EPB41L3: variants seen among roughly 807,000 people sequenced by gnomAD.
EPB41L3 encodes the protein erythrocyte membrane protein band 4.1 like 3.
Under a neutral mutation model 127.1 loss-of-function variants are expected in EPB41L3, and 57 were observed. That is an observed-to-expected ratio of 0.45 (90% CI 0.36 to 0.56). The LOEUF (loss-of-function observed/expected upper bound fraction) is 0.56. EPB41L3 is among the 20% of genes least tolerant of loss of function. The probability of loss-of-function intolerance (pLI) is 0.00; values close to 1 mark genes in which losing one functional copy is unlikely to be tolerated. For missense variants in EPB41L3, 1,273 were observed against 1,372.2 expected (o/e 0.93, Z 1.14); for synonymous variants, 572 against 549.5 (o/e 1.04, Z -0.57).
intron 3 of EPB41L3, among the ~76,000 whole-genome samples, chr18:5,475,675 T>C (rs537599413): frequency 5.5e-4 from 84 of 152,370 alleles, no homozygotes; most frequent in African/African-American, 1.9e-3. Context: ...TTCCATTTTG[T>C]ACTTGATCCC....
At chr18:5,506,409 A>T (rs111980803) in intron 1 of EPB41L3, among the ~76,000 whole-genome samples, 8 of 151,686 alleles carry the variant, frequency 5.3e-5, no homozygotes, top group African/African-American at 1.9e-4. Flanking sequence ...AGGCCTCTAC[A>T]TTTGCTATTC....
At chr18:5,592,951 CA>C (rs1462703292) in intron 3 of EPB41L3, among the ~76,000 whole-genome samples, 1 of 152,170 alleles carries the variant, frequency 6.6e-6, no homozygotes, top group Non-Finnish European at 1.5e-5. Context: ...AGCATCTTTC[CA>C]TCAGTCACAT....
intron 1 of EPB41L3, chr18:5,508,275 T>TCC (rs1223495385): frequency 6.6e-6 from 1 of 152,196 alleles, no homozygotes; most frequent in Non-Finnish European, 1.5e-5. Flanking sequence ...AGCTGTGTTT[T>TCC]CCCCTGGTGA....
At chr18:5,568,448 A>AAAT (rs71163238) in intron 3 of EPB41L3, among the ~76,000 whole-genome samples, 1 of 150,138 alleles carries the variant, frequency 6.7e-6, no homozygotes, top group African/African-American at 2.4e-5. Flanking sequence ...AAAAAAAAAA[A>AAAT]GTATGAGAGA....
chr18:5,629,743 G>C (rs7240736), upstream of EPB41L3, among the ~76,000 whole-genome samples: 10,585 of 152,152 alleles, frequency 0.07, 1,019 homozygotes, highest in East Asian at 0.49. Flanking sequence ...TGCCCTCCTC[G>C]CAAAGAACTG....
chr18:5,517,924 T>G (rs1719948), intron 1 of EPB41L3, among the ~76,000 whole-genome samples: 30,314 of 151,964 alleles, frequency 0.2, 3,195 homozygotes, highest in African/African-American at 0.25. Flanking sequence ...CCACAGGGCT[T>G]GGTCCTTGGA....
At chr18:5,498,539 A>T (rs1252557078) in intron 1 of EPB41L3, among the ~76,000 whole-genome samples, 1 of 147,320 alleles carries the variant, frequency 6.8e-6, no homozygotes, top group Admixed American at 6.8e-5. Flanking sequence ...GGTTGCAGTG[A>T]GCCGAGATAG....
At chr18:5,432,585 T>C (rs7237323) in intron 8 of EPB41L3, among the ~76,000 whole-genome samples, 86,192 of 152,116 alleles carry the variant, frequency 0.57, 28,310 homozygotes, top group Non-Finnish European at 0.73. Flanking sequence ...CTTCCTTGTA[T>C]TTCCACAAGA....
At chr18:5,462,155 A>G (rs956513361) in intron 3 of EPB41L3, among the ~76,000 whole-genome samples, 10 of 152,236 alleles carry the variant, frequency 6.6e-5, no homozygotes, top group African/African-American at 2.4e-4. Context: ...TACCTTAAAA[A>G]TCACAATTAT....
intron 3 of EPB41L3, among the ~76,000 whole-genome samples, chr18:5,566,783 T>TATTCTATTCTATTCTATTCC (rs2094210601): frequency 1.9e-4 from 15 of 77,514 alleles, no homozygotes; most frequent in Admixed American, 1.3e-4. Context: ...TATTCTATTC[T>TATTCTATTCTATTCTATTCC]ATTCTATTCC....
intron 18 of EPB41L3, among the ~76,000 whole-genome samples, chr18:5,396,833 G>A (rs142766879): frequency 7.4e-4 from 112 of 152,198 alleles, no homozygotes; most frequent in Middle Eastern, 3.4e-3. Flanking sequence ...ATTTCCTGGT[G>A]CCATATTATT....
At chr18:5,503,956 A>C (rs2091952488) in intron 1 of EPB41L3, among the ~76,000 whole-genome samples, 1 of 152,226 alleles carries the variant, frequency 6.6e-6, no homozygotes, top group Non-Finnish European at 1.5e-5. Flanking sequence ...TTAGGTAATC[A>C]TATGTGGTAA....
chr18:5,441,601 G>A (rs2080769667), intron 5 of EPB41L3, among the ~76,000 whole-genome samples: 1 of 152,086 alleles, frequency 6.6e-6, no homozygotes, highest in South Asian at 2.1e-4. Context: ...GAGTAGCTGG[G>A]ACTACAGGCG....
At chr18:5,523,365 T>C (rs1018291903) in intron 1 of EPB41L3, among the ~76,000 whole-genome samples, 1 of 152,222 alleles carries the variant, frequency 6.6e-6, no homozygotes, top group African/African-American at 2.4e-5. Context: ...CTTCTGTCAA[T>C]TGAAACAATA....
chr18:5,426,535 A>T (rs2078211115), intron 9 of EPB41L3, among the ~76,000 whole-genome samples: 1 of 152,218 alleles, frequency 6.6e-6, no homozygotes, highest in Non-Finnish European at 1.5e-5. Context: ...TTTCATTAAG[A>T]AATGTATCAT....
intron 5 of EPB41L3, among the ~76,000 whole-genome samples, chr18:5,440,850 A>C (rs1262627905): frequency 6.6e-6 from 1 of 152,176 alleles, no homozygotes; most frequent in Non-Finnish European, 1.5e-5. Flanking sequence ...CTGGAATAAG[A>C]ATTTTTTTCA....
At chr18:5,540,880 C>A (rs1266016309) in intron 1 of EPB41L3, among the ~76,000 whole-genome samples, 3 of 151,896 alleles carry the variant, frequency 2.0e-5, no homozygotes, top group African/African-American at 7.3e-5. Context: ...GTCAGGAGAT[C>A]GAGACCATCC....
chr18:5,409,918 T>A (rs2075989413), intron 14 of EPB41L3, among the ~76,000 whole-genome samples: 1 of 152,098 alleles, frequency 6.6e-6, no homozygotes, highest in Non-Finnish European at 1.5e-5. Flanking sequence ...ATGTGTTTCT[T>A]TAACCCTAAA....
At chr18:5,559,825 C>A (rs977474172) in intron 3 of EPB41L3, among the ~76,000 whole-genome samples, 3 of 152,106 alleles carry the variant, frequency 2.0e-5, no homozygotes, top group Admixed American at 2.0e-4. Flanking sequence ...CAAATAAAAT[C>A]TTTTTCATCT....
Sources: allele counts gnomAD v4.1 joint callset (sites outside exome capture counted in the v4.1 genomes callset), GRCh38; gene constraint gnomAD v4.1.1; transcripts MANE v1.5; gene names NCBI Gene and HGNC (gene_info 2026-07-23, HGNC 2026-07-21).